EYS: variants seen among roughly 807,000 people sequenced by gnomAD.
EYS encodes the protein EGF-like photoreceptor maintenance factor.
EYS carries 250 observed loss-of-function variants against 282.1 expected under a neutral mutation model. The ratio of observed to expected loss-of-function variants is 0.89; its 90% confidence interval spans 0.80 to 0.98. The LOEUF is 0.98. Ranked by LOEUF, EYS falls within the 50% of genes least tolerant of loss-of-function variation. EYS has a pLI of 0.00. For synonymous variants in EYS, 1,355 were observed against 1,282.9 expected (o/e 1.06, Z -1.20); for missense variants, 4,016 against 3,709.0 (o/e 1.08, Z -2.15).
At chr6:65,061,881 C>CA (rs1367354921) in intron 12 of EYS, among the ~76,000 whole-genome samples, 1 of 151,912 alleles carries the variant, frequency 6.6e-6, no homozygotes, top group African/African-American at 2.4e-5. Context: ...CATAGTATCT[C>CA]AAACATTCTA....
chr6:64,208,468 C>A (rs1335446127), intron 31 of EYS, among the ~76,000 whole-genome samples: 1 of 152,102 alleles, frequency 6.6e-6, no homozygotes, highest in Non-Finnish European at 1.5e-5. Context: ...AAATATCAGA[C>A]TTTTCTGGCT....
chr6:64,195,126 A>G (rs1427091730), intron 31 of EYS, among the ~76,000 whole-genome samples: 1 of 152,034 alleles, frequency 6.6e-6, no homozygotes, highest in Admixed American at 6.6e-5. Context: ...TTCTTTAAGC[A>G]TCACTGTTTT....
intron 35 of EYS, among the ~76,000 whole-genome samples, chr6:63,912,718 G>A (rs1296262637): frequency 6.6e-6 from 1 of 152,104 alleles, no homozygotes; most frequent in Non-Finnish European, 1.5e-5. Flanking sequence ...CCTGGGTGCT[G>A]TTCTGGTGTT....
chr6:64,566,415 G>C (rs959275348), intron 26 of EYS, among the ~76,000 whole-genome samples: 1 of 152,058 alleles, frequency 6.6e-6, no homozygotes, highest in African/African-American at 2.4e-5. Flanking sequence ...TACTCTTATT[G>C]TCATCATTAA....
chr6:65,011,288 G>A lies in EYS; in HGVS notation c.2138-13585C>T, dbSNP rs552150174. Among the ~76,000 whole-genome samples the A allele has an allele frequency of 2.0e-5, 3 of 152,300 alleles. No individual in the cohort carries two copies. The East Asian group carries it at 5.8e-4, about 29-fold the overall frequency. ...CCTTTTCAAAACTATCAAGCAGATAGTCAGGGCCTGTGAGGTGTGCCAAAG... is the reference window on the plus strand; with the variant it reads ...CCTTTTCAAAACTATCAAGCAGATAATCAGGGCCTGTGAGGTGTGCCAAAG... On this transcript the variant is annotated intron_variant, in intron 13 of 42. Coordinates refer to ENST00000503581, the MANE Select transcript of EYS (RefSeq NM_001142800.2).
chr6:63,729,529 T>C (rs2149634012), intron 41 of EYS, among the ~76,000 whole-genome samples: 1 of 152,088 alleles, frequency 6.6e-6, no homozygotes, highest in East Asian at 1.9e-4. Context: ...ATTCTTTTTT[T>C]TTTTTCTTTT....
intron 24 of EYS, among the ~76,000 whole-genome samples, chr6:64,606,349 T>C (rs933754685): frequency 6.6e-6 from 1 of 152,012 alleles, no homozygotes; most frequent in Non-Finnish European, 1.5e-5. Flanking sequence ...ATATAGACTA[T>C]TACTTGAGCC....
chr6:64,143,625 G>A lies in EYS; in HGVS notation c.6425-61623C>T, dbSNP rs555273036. ...ATGGGATTTAGTTTCTGCATCACAG[G>A]GCAGAAAACTGGGTCTCTCTCTCCA... is the stretch of plus-strand genomic sequence containing the variant. On this transcript the variant is annotated intron_variant, in intron 31 of 42. Transcript: ENST00000503581. Among the ~76,000 whole-genome samples, 3 of 152,246 alleles carry A rather than the reference G, an allele frequency of 2.0e-5. No homozygotes were observed. In the East Asian group the frequency reaches 5.8e-4, roughly 29 times the overall value.
chr6:64,425,231 G>A (rs1026990679), intron 28 of EYS, among the ~76,000 whole-genome samples: 1 of 152,172 alleles, frequency 6.6e-6, no homozygotes, highest in South Asian at 2.1e-4. Flanking sequence ...CAGAGTACAA[G>A]TAAGCCAATG....
chr6:63,811,628 C>T (rs1771048629), intron 36 of EYS, among the ~76,000 whole-genome samples: 1 of 152,018 alleles, frequency 6.6e-6, no homozygotes, highest in Admixed American at 6.6e-5. Context: ...TTCCAGAGCT[C>T]CAGATTCACA....
At chr6:65,705,978 G>C (rs1410618683) in intron 1 of EYS, among the ~76,000 whole-genome samples, 2 of 151,650 alleles carry the variant, frequency 1.3e-5, no homozygotes, top group African/African-American at 4.8e-5. Context: ...TAAATATTAA[G>C]TTTTAAATAA....
At chr6:63,799,331 A>T (rs1320812228) in intron 37 of EYS, among the ~76,000 whole-genome samples, 1 of 151,894 alleles carries the variant, frequency 6.6e-6, no homozygotes, top group African/African-American at 2.4e-5. Flanking sequence ...TTTTTTTATT[A>T]CTGTATTATA....
chr6:64,689,274 G>A (rs1359668062), intron 22 of EYS, among the ~76,000 whole-genome samples: 2 of 152,094 alleles, frequency 1.3e-5, no homozygotes, highest in Non-Finnish European at 2.9e-5. Flanking sequence ...GGGATGTGAA[G>A]GACCTCTTCA....
At chr6:64,789,884 GAT>G (rs56097288) in intron 22 of EYS, among the ~76,000 whole-genome samples, 61,941 of 148,600 alleles carry the variant, frequency 0.42, 14,965 homozygotes, top group Admixed American at 0.58. Context: ...AAAGTTGTAT[GAT>G]ATATATATAT....
At chr6:65,382,158 CCTAT>C (rs1400653455) in intron 8 of EYS, among the ~76,000 whole-genome samples, 4 of 149,596 alleles carry the variant, frequency 2.7e-5, no homozygotes, top group East Asian at 2.0e-4. Context: ...TAATTTGTGC[CCTAT>C]CTAACAAAGT....
chr6:65,024,918 C>A (rs114849683), intron 13 of EYS, among the ~76,000 whole-genome samples: 1,886 of 152,190 alleles, frequency 0.012, 15 homozygotes, highest in Non-Finnish European at 0.018. Flanking sequence ...CATAAATCCA[C>A]AACTAGGGTG....
intron 28 of EYS, among the ~76,000 whole-genome samples, chr6:64,410,079 T>C (rs537048888): frequency 6.6e-6 from 1 of 152,170 alleles, no homozygotes; most frequent in South Asian, 2.1e-4. Flanking sequence ...ATTCATGGAC[T>C]CTTAAGATTT....
intron 35 of EYS, among the ~76,000 whole-genome samples, chr6:63,899,893 T>C (rs1773619345): frequency 6.6e-6 from 1 of 152,226 alleles, no homozygotes; most frequent in East Asian, 1.9e-4. Flanking sequence ...AAAGAGAAGA[T>C]ATTCAGTAAC....
At chr6:65,548,016 A>G (rs546117143) in intron 2 of EYS, among the ~76,000 whole-genome samples, 1 of 152,286 alleles carries the variant, frequency 6.6e-6, no homozygotes, top group South Asian at 2.1e-4. Flanking sequence ...ACAAATTTAG[A>G]TAAAACTTAA....
Sources: allele counts gnomAD v4.1 joint callset (sites outside exome capture counted in the v4.1 genomes callset), GRCh38; gene constraint gnomAD v4.1.1; transcripts MANE v1.5; gene names NCBI Gene and HGNC (gene_info 2026-07-23, HGNC 2026-07-21).